MTHFD2L: variants seen among roughly 807,000 people sequenced by gnomAD.
MTHFD2L encodes the protein bifunctional methylenetetrahydrofolate dehydrogenase/cyclohydrolase 2, mitochondrial.
In MTHFD2L, 29 loss-of-function variants were observed where a neutral mutation model predicts 34.9. The observed-to-expected ratio is 0.83, with a 90% CI of 0.62 to 1.13. MTHFD2L has a LOEUF of 1.13. Among genes scored for constraint, MTHFD2L ranks in the 50% most tolerant of loss-of-function variants. The probability of loss-of-function intolerance (pLI) is 0.00; values close to 1 mark genes in which losing one functional copy is unlikely to be tolerated. For missense variants in MTHFD2L, 481 were observed against 446.5 expected (o/e 1.08, Z -0.70); for synonymous variants, 167 against 155.7 (o/e 1.07, Z -0.54).
chr4:74,290,039 G>T (rs1466012077), intron 7 of MTHFD2L, among the ~76,000 whole-genome samples: 1 of 152,212 alleles, frequency 6.6e-6, no homozygotes, highest in East Asian at 1.9e-4. Flanking sequence ...GCTGTTGAAA[G>T]AAGGAAGTAT....
At chr4:74,159,926 G>A (rs1370793394) in intron 1 of MTHFD2L, 1 of 357,224 alleles carries the variant, frequency 2.8e-6, no homozygotes, top group Non-Finnish European at 4.5e-6. Context: ...CGCCCTCTTT[G>A]TACTGAATAC....
At chr4:74,293,035 G>GT (rs1749156985) in intron 7 of MTHFD2L, among the ~76,000 whole-genome samples, 1 of 151,310 alleles carries the variant, frequency 6.6e-6, no homozygotes, top group African/African-American at 2.4e-5. Context: ...GTTTTTTATG[G>GT]TTTTTTGAAT....
chr4:74,282,429 A>G (rs1009678991), intron 7 of MTHFD2L, among the ~76,000 whole-genome samples: 10 of 147,178 alleles, frequency 6.8e-5, no homozygotes, highest in African/African-American at 2.7e-4. Flanking sequence ...AGAAACTGAA[A>G]AGAATAGGTG....
chr4:74,271,890 C>T (rs1746042498), intron 6 of MTHFD2L, among the ~76,000 whole-genome samples: 1 of 152,062 alleles, frequency 6.6e-6, no homozygotes, highest in South Asian at 2.1e-4. Context: ...TTTCACATCC[C>T]TTGTAAGTTG....
chr4:74,189,615 T>C (rs1732113109), intron 3 of MTHFD2L, among the ~76,000 whole-genome samples: 1 of 151,530 alleles, frequency 6.6e-6, no homozygotes. Flanking sequence ...CTCTCTCTCA[T>C]TCATATTCAT....
Position 74,265,183 on chromosome 4 carries a change from A to T in MTHFD2L, c.806-16242A>T, listed in dbSNP as rs184778011. ...CTATGGTTTGGTGGGGGATTGACAC[A>T]CTAGGCTGAGCTCAGCTAATCTCAG... On this transcript the variant is annotated intron_variant, in intron 6 of 7. Transcript: ENST00000325278. 6.1e-3 allele frequency among the ~76,000 whole-genome samples: 933 copies of T among 152,268 alleles called. 5 individuals carry two copies. The highest frequency in any genetic ancestry group is 0.01 in the Non-Finnish European group (695 of 68,014).
At chr4:74,211,834 A>C (rs1736378731) in intron 5 of MTHFD2L, among the ~76,000 whole-genome samples, 1 of 151,360 alleles carries the variant, frequency 6.6e-6, no homozygotes, top group African/African-American at 2.4e-5. Context: ...TTGGGTTGGT[A>C]GGCTATTAAT....
chr4:74,145,003 T>C (rs959040162), intron 1 of MTHFD2L, among the ~76,000 whole-genome samples: 4 of 152,152 alleles, frequency 2.6e-5, no homozygotes, highest in Non-Finnish European at 4.4e-5. Flanking sequence ...GAATCATTAA[T>C]TAGAGATTTA....
chr4:74,224,982 A>C (rs1738907818), intron 5 of MTHFD2L, among the ~76,000 whole-genome samples: 3 of 152,130 alleles, frequency 2.0e-5, no homozygotes, highest in Admixed American at 2.0e-4. Flanking sequence ...GAAGACAATG[A>C]GTATCCTGTA....
intron 6 of MTHFD2L, among the ~76,000 whole-genome samples, chr4:74,239,893 T>C (rs1239232934): frequency 6.6e-6 from 1 of 152,196 alleles, no homozygotes; most frequent in African/African-American, 2.4e-5. Flanking sequence ...TCCTTGTCTC[T>C]GTAAAATACA....
chr4:74,175,023 T>C (rs924171097), intron 2 of MTHFD2L, among the ~76,000 whole-genome samples: 1 of 152,174 alleles, frequency 6.6e-6, no homozygotes, highest in African/African-American at 2.4e-5. Context: ...TGCATGGTAG[T>C]GATATTTTTA....
chr4:74,293,445 C>G (rs993729322), intron 7 of MTHFD2L: 2 of 788,054 alleles, frequency 2.5e-6, no homozygotes, highest in African/African-American at 3.8e-5. Context: ...TACATTTCTA[C>G]CACATTAGGA....
At chr4:74,281,353 T>TG in intron 6 of MTHFD2L, 72 bp from the exon 7 acceptor site, 3 of 1,098,124 alleles carry the variant, frequency 2.7e-6, no homozygotes, top group Non-Finnish European at 3.7e-6. Flanking sequence ...GTGTGTGTAT[T>TG]TTTAAAGCCT....
chr4:74,143,794 GC>G (rs961504208), intron 1 of MTHFD2L, among the ~76,000 whole-genome samples: 20 of 152,130 alleles, frequency 1.3e-4, no homozygotes, highest in Admixed American at 1.1e-3. Flanking sequence ...ATTGTTTTGT[GC>G]TCAATAATAT....
intron 5 of MTHFD2L, among the ~76,000 whole-genome samples, chr4:74,222,842 T>A (rs1001830655): frequency 6.6e-6 from 1 of 152,046 alleles, no homozygotes; most frequent in Non-Finnish European, 1.5e-5. Flanking sequence ...TTTACTCTCA[T>A]TTTTTTACAT....
At chr4:74,185,167 AAAAAAAAAAAAAT>A (rs1730945918) in intron 3 of MTHFD2L, among the ~76,000 whole-genome samples, 1 of 150,786 alleles carries the variant, frequency 6.6e-6, no homozygotes, top group Admixed American at 6.6e-5. Context: ...AAAAAAAAAA[AAAAAAAAAAAAAT>A]CTGGAAAATC....
chr4:74,188,678 G>GTA lies in MTHFD2L; in HGVS notation c.452-11104_452-11103dup, dbSNP rs58570332. ...CTTGACTAGGATTCTGGTTTTATAG[G>GTA]TATATATATATATGTGTATGCATAT... On this transcript the variant is annotated intron_variant, in intron 3 of 7. Transcript: ENST00000325278. Among the ~76,000 whole-genome samples the GTA allele has an allele frequency of 3.2e-3, 275 of 86,284 alleles. 4 individuals carry two copies. In the Middle Eastern group the frequency reaches 0.042, roughly 13 times the overall value. The allele number at this position is 86,284 out of a possible 152,430, so 56.6% of individuals were successfully genotyped here.
At chr4:74,125,167 G>C (rs1396146627), upstream of MTHFD2L, among the ~76,000 whole-genome samples, 1 of 152,124 alleles carries the variant, frequency 6.6e-6, no homozygotes, top group East Asian at 1.9e-4. Context: ...ATTTGAAATA[G>C]GAATTAGCAT....
intron 1 of MTHFD2L, among the ~76,000 whole-genome samples, chr4:74,144,997 CATTA>C (rs1252330868): frequency 2.6e-5 from 4 of 152,050 alleles, no homozygotes; most frequent in South Asian, 2.1e-4. Context: ...GCATTGGAAT[CATTA>C]ATTAGAGATT....
Sources: allele counts gnomAD v4.1 joint callset (sites outside exome capture counted in the v4.1 genomes callset), GRCh38; gene constraint gnomAD v4.1.1; transcripts MANE v1.5; gene names NCBI Gene and HGNC (gene_info 2026-07-23, HGNC 2026-07-21).